SNX18: variants seen among roughly 807,000 people sequenced by gnomAD.
SNX18 encodes sorting nexin 18.
SNX18 carries 35 observed loss-of-function variants against 48.7 expected under a neutral mutation model. The observed-to-expected ratio is 0.72, with a 90% confidence interval of 0.55 to 0.95. The LOEUF (loss-of-function observed/expected upper bound fraction) is 0.95, where lower values mean the gene tolerates loss of function less well. SNX18 is among the 40% of genes least tolerant of loss of function. SNX18 has a pLI of 0.00. For missense variants in SNX18, 824 were observed against 871.0 expected, an observed-to-expected ratio of 0.95 and a Z score of 0.68; for synonymous variants, 492 against 384.7, an observed-to-expected ratio of 1.28 and a Z score of -3.26.
At chr5:54,536,598 G>A (rs11956791) in intron 1 of SNX18, among the ~76,000 whole-genome samples, 70,165 of 151,962 alleles carry the variant, frequency 0.46, 17,630 homozygotes, top group Middle Eastern at 0.59. Context: ...CATGGTGTAT[G>A]TGTGCCACAT....
At position 54,518,217 on chromosome 5, in the gene SNX18, C is replaced by CT; in HGVS notation, c.266dup (p.Pro90AlafsTer13). ...TGTGCCCCCCGGGGGCTTCGAGCCC[C>CT]TGCCTGTCGCGCCCCCCGCCTCCTT... On this transcript the variant is annotated frameshift_variant, in exon 1 of 2. Transcript: ENST00000381410. LOFTEE classifies it high-confidence loss of function. The CT allele has an allele frequency of 7.1e-7, 1 of 1,408,566 alleles. No homozygotes were observed. Among genetic ancestry groups the CT allele is most frequent in the East Asian group, 3.0e-5 (1 of 33,328 alleles). 87.3% of individuals were successfully genotyped at this position (1,408,566 alleles called of 1,614,324 possible).
At position 54,518,000 on chromosome 5, in the gene SNX18, A is replaced by C. The variant is rs76854460; in HGVS notation, c.48A>C (p.Pro16=). ...TGTACGACTTCAGGTCGGAGAACCC[A>C]GGAGAGATCTCGCTGCGAGAGCACG... The part of the protein sequence containing the change: ...RALYDFRSEN[P]GEISLREHEV... The change falls in exon 1 of 2, where the codon CCA becomes CCC. Residue 16 remains proline (P), a synonymous_variant. Transcript: ENST00000381410. The C allele has an allele frequency of 0.36, 557,563 of 1,543,146 alleles. 105,337 individuals carry two copies. The highest frequency in any genetic ancestry group is 0.39 in the Non-Finnish European group (446,929 of 1,146,818).
At chr5:54,570,369 G>A in the SNX18 span, among the ~76,000 whole-genome samples, 5 of 152,204 alleles carry the variant, frequency 3.3e-5, no homozygotes, top group African/African-American at 1.2e-4. Flanking sequence ...ATGTATATCT[G>A]TTGTTTTCAG....
chr5:54,573,775 A>G, the SNX18 span, among the ~76,000 whole-genome samples: 1 of 152,178 alleles, frequency 6.6e-6, no homozygotes, highest in African/African-American at 2.4e-5. Flanking sequence ...ACTGAGCAAG[A>G]CTAGACACAG....
chr5:54,577,451 G>A, the SNX18 span, among the ~76,000 whole-genome samples: 1 of 149,906 alleles, frequency 6.7e-6, no homozygotes, highest in South Asian at 2.1e-4. Context: ...AGCCAGGTCA[G>A]GGGAGACTGA....
the SNX18 span, among the ~76,000 whole-genome samples, chr5:54,600,537 A>G: frequency 6.6e-6 from 1 of 152,248 alleles, no homozygotes; most frequent in Admixed American, 6.5e-5. Context: ...ACATATGTTC[A>G]TTGCAGCACT....
At chr5:54,519,735 G>T (rs1310191349) in intron 1 of SNX18, 162 bp downstream of exon 1, 1 of 1,614,200 alleles carries the variant, frequency 6.2e-7, no homozygotes, top group Admixed American at 1.7e-5. Context: ...GTGTAAGTTG[G>T]ATTGCTCGAC....
At chr5:54,630,229 G>A in the SNX18 span, among the ~76,000 whole-genome samples, 1 of 152,210 alleles carries the variant, frequency 6.6e-6, no homozygotes, top group Non-Finnish European at 1.5e-5. Flanking sequence ...TGATGGAAGA[G>A]TCTGGATCAG....
Position 54,517,870 on chromosome 5 carries a change from G to A in SNX18, c.-83G>A, listed in dbSNP as rs1051683563. 2.2e-6 allele frequency: 3 copies of A among 1,357,692 alleles called. No homozygotes were observed. Among genetic ancestry groups the A allele is most frequent in the Non-Finnish European group, 1.9e-6 (2 of 1,057,542 alleles). The allele number at this position is 1,357,692 out of a possible 1,614,324, so 84.1% of individuals were successfully genotyped here. A position where few individuals can be genotyped will look rare whatever the true frequency, so the allele number is the denominator to read the frequency against. On this transcript the variant is annotated 5_prime_UTR_variant, in exon 1 of 2. Transcript: ENST00000381410. ...TCGGGGCTCCAGTCCGCGCGCCAGG[G>A]CTCGAGCAGTACCGCGGGCCCCTCA...
At chr5:54,612,041 C>G in the SNX18 span, among the ~76,000 whole-genome samples, 1 of 152,010 alleles carries the variant, frequency 6.6e-6, no homozygotes, top group East Asian at 1.9e-4. Flanking sequence ...CCATGCCTGG[C>G]TAATTTTTAA....
the SNX18 span, among the ~76,000 whole-genome samples, chr5:54,618,856 C>T: frequency 6.6e-6 from 1 of 151,988 alleles, no homozygotes; most frequent in East Asian, 1.9e-4. Context: ...ATATACATCT[C>T]CGTAGTTAAT....
chr5:54,621,029 G>A, the SNX18 span, among the ~76,000 whole-genome samples: 3 of 152,176 alleles, frequency 2.0e-5, no homozygotes, highest in Admixed American at 6.5e-5. Flanking sequence ...AACAGTTGGC[G>A]ATAAGGTTTA....
chr5:54,583,974 T>C, the SNX18 span, among the ~76,000 whole-genome samples: 1 of 152,190 alleles, frequency 6.6e-6, no homozygotes, highest in East Asian at 1.9e-4. Context: ...AGCAGAGCCC[T>C]TGACACTGAC....
At chr5:54,588,890 G>A in the SNX18 span, among the ~76,000 whole-genome samples, 1 of 152,110 alleles carries the variant, frequency 6.6e-6, no homozygotes, top group African/African-American at 2.4e-5. Context: ...AATTTTCTTT[G>A]AATAAGAAAA....
the SNX18 span, among the ~76,000 whole-genome samples, chr5:54,609,693 A>G: frequency 0.36 from 54,284 of 151,912 alleles, 10,184 homozygotes; most frequent in Admixed American, 0.41. Flanking sequence ...TTGAAATTGA[A>G]AAGAAAGAAG....
chr5:54,593,794 T>C, the SNX18 span, among the ~76,000 whole-genome samples: 1 of 152,238 alleles, frequency 6.6e-6, no homozygotes, highest in African/African-American at 2.4e-5. Flanking sequence ...GAAGGTATAG[T>C]CCTCTCAACA....
chr5:54,539,470 C>T (rs898560007), intron 1 of SNX18, among the ~76,000 whole-genome samples: 6 of 152,248 alleles, frequency 3.9e-5, no homozygotes, highest in Admixed American at 6.5e-5. Context: ...CACCCTGCCA[C>T]CATCCATAGT....
chr5:54,631,258 C>T, the SNX18 span, among the ~76,000 whole-genome samples: 3 of 152,198 alleles, frequency 2.0e-5, no homozygotes, highest in Non-Finnish European at 4.4e-5. Context: ...GAGAAATCCT[C>T]TCTAAAGGAA....
At chr5:54,624,521 G>A in the SNX18 span, among the ~76,000 whole-genome samples, 2 of 152,352 alleles carry the variant, frequency 1.3e-5, no homozygotes, top group East Asian at 1.9e-4. Context: ...ATATCTTGGA[G>A]CACCTGAAGC....
Sources: allele counts gnomAD v4.1 joint callset (sites outside exome capture counted in the v4.1 genomes callset), GRCh38; gene constraint gnomAD v4.1.1; transcripts MANE v1.5; gene names NCBI Gene and HGNC (gene_info 2026-07-23, HGNC 2026-07-21).